SOX5: variants seen among roughly 807,000 people sequenced by gnomAD.
SOX5 encodes transcription factor SOX-5.
SOX5 carries 9 observed loss-of-function variants against 92.0 expected under a neutral mutation model. The ratio of observed to expected loss-of-function variants is 0.10; its 90% CI spans 0.06 to 0.17. The LOEUF (loss-of-function observed/expected upper bound fraction) is 0.17, where lower values mean the gene tolerates loss of function less well. Ranked by LOEUF, SOX5 falls within the 10% of genes least tolerant of loss-of-function variation. The probability of loss-of-function intolerance (pLI) is 1.00; values close to 1 mark genes in which losing one functional copy is unlikely to be tolerated. For missense variants in SOX5, 642 were observed against 944.5 expected (o/e 0.68, Z 4.20); for synonymous variants, 344 against 336.3 (o/e 1.02, Z -0.25).
chr12:24,172,847 T>G (rs1038100815), intron 4 of SOX5, among the ~76,000 whole-genome samples: 1 of 152,168 alleles, frequency 6.6e-6, no homozygotes, highest in African/African-American at 2.4e-5. Context: ...CTCAAGAGAA[T>G]GAGAAAGGTC....
In SOX5 at chr12:23,895,587, C is replaced by T. The variant is rs571027021; in HGVS notation, c.270+206G>A. On this transcript the variant is annotated intron_variant, in intron 2 of 14. Coordinates refer to ENST00000451604, the MANE Select transcript of SOX5 (RefSeq NM_006940.6). ...TGTAAGTGTCTCAAATGCAAGAAGT[C>T]TTGAAAAATACAAAAGAAACGAAAA... Among the ~76,000 whole-genome samples the T allele has an allele frequency of 3.6e-4, 55 of 152,188 alleles. 1 individual carries two copies. The South Asian group carries it at 7.7e-3, about 21-fold the overall frequency.
chr12:24,392,384 G>A (rs899078747), intron 1 of SOX5, among the ~76,000 whole-genome samples: 2 of 151,918 alleles, frequency 1.3e-5, no homozygotes, highest in Non-Finnish European at 2.9e-5. Flanking sequence ...CCACCCTAAC[G>A]CCCCCACCAG....
intron 4 of SOX5, among the ~76,000 whole-genome samples, chr12:24,006,700 C>T (rs532168889): frequency 6.6e-6 from 1 of 152,024 alleles, no homozygotes; most frequent in South Asian, 2.1e-4. Flanking sequence ...TTACCTTTAT[C>T]AGTAATAAAG....
chr12:23,985,005 G>A (rs184492517), intron 4 of SOX5, among the ~76,000 whole-genome samples: 12 of 152,216 alleles, frequency 7.9e-5, no homozygotes, highest in Admixed American at 3.3e-4. Flanking sequence ...GCAGCTTAGC[G>A]TTCCAATAAT....
intron 2 of SOX5, among the ~76,000 whole-genome samples, chr12:24,306,129 A>G (rs1948537326): frequency 6.6e-6 from 1 of 152,184 alleles, no homozygotes; most frequent in African/African-American, 2.4e-5. Context: ...CCACACCCAT[A>G]GAAAATTCTC....
At chr12:24,370,284 C>A (rs961374328) in intron 1 of SOX5, among the ~76,000 whole-genome samples, 1 of 151,804 alleles carries the variant, frequency 6.6e-6, no homozygotes, top group Non-Finnish European at 1.5e-5. Flanking sequence ...ACCATCCTGG[C>A]TAACACAGTG....
chr12:23,618,119 G>A (rs1299060542), intron 8 of SOX5, among the ~76,000 whole-genome samples: 2 of 152,152 alleles, frequency 1.3e-5, no homozygotes, highest in Non-Finnish European at 2.9e-5. Flanking sequence ...AGGTAAGAAG[G>A]ACACTGGCTG....
At chr12:24,362,754 C>T (rs1287883894) in intron 2 of SOX5, among the ~76,000 whole-genome samples, 2 of 150,570 alleles carry the variant, frequency 1.3e-5, no homozygotes, top group Non-Finnish European at 2.9e-5. Context: ...TAACTCAATA[C>T]TTTAGATGAG....
chr12:24,335,252 G>C (rs1428222539), intron 2 of SOX5, among the ~76,000 whole-genome samples: 1 of 105,534 alleles, frequency 9.5e-6, no homozygotes, highest in South Asian at 3.4e-4. Context: ...CTTCCTTGTA[G>C]CTATTTCAGA....
chr12:23,642,185 C>A (rs1441613658), intron 7 of SOX5, among the ~76,000 whole-genome samples: 1 of 152,016 alleles, frequency 6.6e-6, no homozygotes, highest in African/African-American at 2.4e-5. Context: ...GTGTGCGTGT[C>A]TGAGCATATA....
intron 4 of SOX5, among the ~76,000 whole-genome samples, chr12:24,039,262 G>GT (rs527612321): frequency 6.4e-4 from 97 of 152,122 alleles, no homozygotes; most frequent in African/African-American, 2.3e-3. Context: ...TGATTTGATG[G>GT]TTTTTCCTGT....
chr12:24,037,400 T>C (rs926267187), intron 4 of SOX5, among the ~76,000 whole-genome samples: 3 of 152,164 alleles, frequency 2.0e-5, no homozygotes, highest in African/African-American at 7.2e-5. Context: ...AAACATTCCA[T>C]GATTTTAATC....
intron 4 of SOX5, among the ~76,000 whole-genome samples, chr12:24,059,110 C>T (rs1213359891): frequency 6.6e-6 from 1 of 151,826 alleles, no homozygotes; most frequent in Non-Finnish European, 1.5e-5. Context: ...ATATACAGTG[C>T]TTTACACATA....
In SOX5 at chr12:24,219,947, G is replaced by T. The variant is rs139922417; in HGVS notation, c.-76-6530C>A. Among the ~76,000 whole-genome samples, 830 of 152,150 alleles carry T rather than the reference G, an allele frequency of 5.5e-3. 8 individuals carry two copies. Among genetic ancestry groups the T allele is most frequent in the Middle Eastern group, 0.02 (6 of 294 alleles). ...GAGTTCAGGCCTCAACTTATTATAG[G>T]TGGTAAAACCTTTCTGAGCCTTAGT... On this transcript the variant is annotated intron_variant, in intron 3 of 4. Transcript: ENST00000446891.
At chr12:24,514,978 G>A (rs2138375533) in intron 1 of SOX5, among the ~76,000 whole-genome samples, 1 of 152,200 alleles carries the variant, frequency 6.6e-6, no homozygotes, top group East Asian at 1.9e-4. Context: ...GAAATAATCT[G>A]TACAACAAAC....
At chr12:24,000,320 CTG>C (rs1223241085) in intron 4 of SOX5, among the ~76,000 whole-genome samples, 2 of 151,742 alleles carry the variant, frequency 1.3e-5, no homozygotes, top group African/African-American at 2.4e-5. Flanking sequence ...TCTCTCCAAA[CTG>C]TTTTAACAGG....
intron 3 of SOX5, among the ~76,000 whole-genome samples, chr12:23,825,392 C>T (rs577117353): frequency 2.8e-4 from 42 of 152,184 alleles, no homozygotes; most frequent in Non-Finnish European, 5.3e-4. Context: ...GCTCACCCTC[C>T]GTGGGGTGCA....
intron 9 of SOX5, among the ~76,000 whole-genome samples, chr12:23,601,233 C>T (rs1265961376): frequency 2.6e-5 from 4 of 152,060 alleles, no homozygotes; most frequent in African/African-American, 9.7e-5. Context: ...TTTCGATTTC[C>T]CCCTTCCATT....
chr12:24,484,286 T>C (rs964452641), intron 1 of SOX5, among the ~76,000 whole-genome samples: 1 of 152,166 alleles, frequency 6.6e-6, no homozygotes, highest in African/African-American at 2.4e-5. Flanking sequence ...CTAAAGACTT[T>C]CCCCTCTTCT....
Sources: gnomAD v4.1 joint callset for allele counts (sites outside exome capture counted in the v4.1 genomes callset) on GRCh38, gnomAD v4.1.1 for gene constraint, MANE v1.5 for transcripts, NCBI Gene and HGNC (gene_info 2026-07-23, HGNC 2026-07-21) for gene names.